The following MAML3 variants were observed in gnomAD, a reference collection of about 807,000 sequenced individuals.
MAML3 encodes the protein mastermind like transcriptional coactivator 3.
In MAML3, 27 loss-of-function variants were observed where a neutral mutation model predicts 101.9. The ratio of observed to expected loss-of-function variants is 0.27; its 90% CI spans 0.20 to 0.37. The LOEUF is 0.37. MAML3 is among the 10% of genes least tolerant of loss of function. The probability of loss-of-function intolerance (pLI) is 1.00; values close to 1 mark genes in which losing one functional copy is unlikely to be tolerated. For synonymous variants in MAML3, 501 were observed against 555.9 expected (o/e 0.90, Z 1.39); for missense variants, 1,316 against 1,444.9 (o/e 0.91, Z 1.45).
chr4:140,058,018 CCT>C (rs1727381478), intron 1 of MAML3, among the ~76,000 whole-genome samples: 1 of 151,018 alleles, frequency 6.6e-6, no homozygotes, highest in Non-Finnish European at 1.5e-5. Context: ...TGATGAAAGA[CCT>C]CTGATTAAAC....
At chr4:140,070,335 G>A (rs1727628275) in intron 1 of MAML3, among the ~76,000 whole-genome samples, 1 of 152,108 alleles carries the variant, frequency 6.6e-6, no homozygotes, top group Non-Finnish European at 1.5e-5. Flanking sequence ...TTTAGCCCAA[G>A]TACTTTGGTT....
chr4:140,130,540 G>A (rs979256219), intron 1 of MAML3, among the ~76,000 whole-genome samples: 4 of 152,126 alleles, frequency 2.6e-5, no homozygotes, highest in African/African-American at 9.7e-5. Flanking sequence ...AAAACCTTTT[G>A]GATATTATTT....
intron 1 of MAML3, among the ~76,000 whole-genome samples, chr4:139,979,196 T>C (rs1734401223): frequency 6.6e-6 from 1 of 152,228 alleles, no homozygotes; most frequent in Non-Finnish European, 1.5e-5. Context: ...TTAGAATGAT[T>C]TGAGACCACA....
intron 2 of MAML3, among the ~76,000 whole-genome samples, chr4:139,876,958 C>G (rs960152516): frequency 1.1e-4 from 17 of 152,152 alleles, no homozygotes; most frequent in African/African-American, 4.1e-4. Context: ...TGGCCAGAGC[C>G]CAGTGCAGAA....
At chr4:139,794,412 C>T (rs1212536285) in intron 2 of MAML3, 2 of 152,222 alleles carry the variant, frequency 1.3e-5, no homozygotes, top group African/African-American at 4.8e-5. Flanking sequence ...CCTGGTGTCC[C>T]AGTAGGATCA....
chr4:140,120,665 G>C (rs1728592811), intron 1 of MAML3, among the ~76,000 whole-genome samples: 1 of 152,178 alleles, frequency 6.6e-6, no homozygotes, highest in Non-Finnish European at 1.5e-5. Context: ...TCACAGCTAA[G>C]ATCGAATAGT....
intron 2 of MAML3, among the ~76,000 whole-genome samples, chr4:139,745,603 C>A (rs1729294902): frequency 6.6e-6 from 1 of 152,310 alleles, no homozygotes; most frequent in South Asian, 2.1e-4. Context: ...CACCTCCTCC[C>A]ACTCATTTCT....
Position 140,134,287 on chromosome 4 carries a change from G to T in MAML3, c.468+18573C>A, listed in dbSNP as rs62345609. ...AAACACATTAAGGAAAGGAAAGGTT[G>T]AAAGGATGTTCCCACACTCAAGGAA... On this transcript the variant is annotated intron_variant, in intron 1 of 4. Transcript: ENST00000509479. The T allele has an allele frequency of 3.8e-3, 1,758 of 456,738 alleles. 2 individuals carry two copies. The highest frequency in any genetic ancestry group is 5.8e-3 in the Non-Finnish European group (1,319 of 226,968). The allele number at this position is 456,738 out of a possible 1,614,324, so 28.3% of individuals were successfully genotyped here.
chr4:139,848,359 A>G lies in MAML3; in HGVS notation c.2079+40998T>C, dbSNP rs559327258. On this transcript the variant is annotated intron_variant, in intron 2 of 4. Coordinates refer to ENST00000509479, the MANE Select transcript of MAML3 (RefSeq NM_018717.5). ...TTCTGGTTACATATTCCAGTCATTA[A>G]CAAAATTATTCTCATATAGATCCAG... Among the ~76,000 whole-genome samples the G allele has an allele frequency of 2.0e-5, 3 of 152,374 alleles. No homozygotes were observed. The South Asian group carries it at 6.2e-4, about 32-fold the overall frequency.
rs569545976 is a variant in MAML3 at position 139,968,597 on chromosome 4, T to C, written c.469-77630A>G. ...TCTAAGTGCTCTTTCTGTATTAATT[T>C]ACTTAATCCTCACAAACTCCCTGAG... On this transcript the variant is annotated intron_variant, in intron 1 of 4. Transcript: ENST00000509479. 5.3e-5 allele frequency among the ~76,000 whole-genome samples: 8 copies of C among 152,256 alleles called. No individual in the cohort carries two copies. In the South Asian group the frequency reaches 1.7e-3, roughly 32 times the overall value.
intron 2 of MAML3, among the ~76,000 whole-genome samples, chr4:139,817,262 A>G (rs1730907395): frequency 6.6e-6 from 1 of 152,228 alleles, no homozygotes; most frequent in East Asian, 1.9e-4. Context: ...ACAGACAAAC[A>G]AACATCAAAA....
intron 1 of MAML3, among the ~76,000 whole-genome samples, chr4:139,934,178 CTGAG>C (rs1252810714): frequency 2.6e-5 from 4 of 151,356 alleles, no homozygotes. Context: ...GAGTGCATGT[CTGAG>C]TGTGTGTGAA....
chr4:139,884,719 A>G (rs1324431914), intron 2 of MAML3, among the ~76,000 whole-genome samples: 1 of 152,180 alleles, frequency 6.6e-6, no homozygotes, highest in Non-Finnish European at 1.5e-5. Flanking sequence ...TTCATTCTAG[A>G]CTTGCCTTTT....
chr4:140,068,904 G>C (rs1008693779), intron 1 of MAML3, among the ~76,000 whole-genome samples: 3 of 152,134 alleles, frequency 2.0e-5, no homozygotes, highest in Non-Finnish European at 4.4e-5. Flanking sequence ...CGCTTTGTCT[G>C]GTTTCTATCT....
At chr4:139,808,529 TG>T (rs1730738996) in intron 2 of MAML3, among the ~76,000 whole-genome samples, 1 of 152,138 alleles carries the variant, frequency 6.6e-6, no homozygotes. Flanking sequence ...GATCACAGGA[TG>T]GGGGATTTTT....
intron 1 of MAML3, among the ~76,000 whole-genome samples, chr4:140,125,837 G>A (rs968120898): frequency 1.3e-5 from 2 of 152,200 alleles, no homozygotes; most frequent in East Asian, 3.9e-4. Flanking sequence ...GGAGTACAGC[G>A]GTGCAATCTT....
chr4:139,759,612 A>G (rs903940316), intron 2 of MAML3, among the ~76,000 whole-genome samples: 1 of 152,236 alleles, frequency 6.6e-6, no homozygotes, highest in Non-Finnish European at 1.5e-5. Flanking sequence ...CAGATGTTAG[A>G]GGCTGTCTCT....
chr4:140,053,357 G>C (rs1202171628), intron 1 of MAML3, among the ~76,000 whole-genome samples: 1 of 152,100 alleles, frequency 6.6e-6, no homozygotes, highest in African/African-American at 2.4e-5. Context: ...CACTGCTTTG[G>C]AATGTCTCAC....
chr4:139,754,139 C>T (rs557125301), intron 2 of MAML3, among the ~76,000 whole-genome samples: 54 of 152,284 alleles, frequency 3.5e-4, no homozygotes, highest in Non-Finnish European at 6.3e-4. Context: ...ACTGAAACTG[C>T]AAAACTTGAA....
Sources: allele counts gnomAD v4.1 joint callset (sites outside exome capture counted in the v4.1 genomes callset), GRCh38; gene constraint gnomAD v4.1.1; transcripts MANE v1.5; gene names NCBI Gene and HGNC (gene_info 2026-07-23, HGNC 2026-07-21).